The following PPARGC1A variants were observed in gnomAD, a reference collection of about 807,000 sequenced individuals.
PPARGC1A encodes the protein PPARG coactivator 1 alpha.
A neutral mutation model predicts 88.7 loss-of-function variants in PPARGC1A; 25 were observed. That is an observed-to-expected ratio of 0.28 (90% confidence interval 0.21 to 0.39). The LOEUF is 0.39. PPARGC1A is among the 10% of genes least tolerant of loss of function. The pLI, the probability that PPARGC1A is intolerant of heterozygous loss-of-function variation, is 1.00. For missense variants in PPARGC1A, 880 were observed against 968.7 expected (o/e 0.91, Z 1.22); for synonymous variants, 363 against 355.6 (o/e 1.02, Z -0.24).
At chr4:24,099,271 C>T in the PPARGC1A span, among the ~76,000 whole-genome samples, 1 of 134,002 alleles carries the variant, frequency 7.5e-6, no homozygotes, top group Non-Finnish European at 1.6e-5. Context: ...TTCTTCCCCT[C>T]ATTCTCTCCC....
chr4:24,008,215 T>C, the PPARGC1A span, among the ~76,000 whole-genome samples: 2 of 152,200 alleles, frequency 1.3e-5, no homozygotes, highest in African/African-American at 4.8e-5. Flanking sequence ...AGTCAACCTA[T>C]TGTACCCCTG....
At chr4:24,206,838 C>A in the PPARGC1A span, among the ~76,000 whole-genome samples, 1 of 62,746 alleles carries the variant, frequency 1.6e-5, no homozygotes, top group Non-Finnish European at 2.6e-5. Context: ...AAGACTTCAC[C>A]TTAAAAAAAA....
chr4:24,211,669 T>C, the PPARGC1A span, among the ~76,000 whole-genome samples: 2 of 152,154 alleles, frequency 1.3e-5, no homozygotes, highest in South Asian at 4.1e-4. Context: ...CTCAGCCACT[T>C]ATAAACGTAG....
At chr4:24,327,730 G>T in the PPARGC1A span, among the ~76,000 whole-genome samples, 355 of 151,976 alleles carry the variant, frequency 2.3e-3, 1 homozygote, top group African/African-American at 7.7e-3. Flanking sequence ...ACATCACCCA[G>T]TCTCTCTCCA....
the PPARGC1A span, among the ~76,000 whole-genome samples, chr4:24,042,963 C>G: frequency 6.6e-6 from 1 of 152,112 alleles, no homozygotes; most frequent in Non-Finnish European, 1.5e-5. Flanking sequence ...TTTGGTGACT[C>G]TCATTAACAG....
the PPARGC1A span, among the ~76,000 whole-genome samples, chr4:23,982,765 T>A: frequency 6.6e-6 from 1 of 152,166 alleles, no homozygotes; most frequent in African/African-American, 2.4e-5. Context: ...ATTAAAACAC[T>A]CACATGGAGA....
At chr4:24,472,063 A>G in the PPARGC1A span, among the ~76,000 whole-genome samples, 1 of 151,372 alleles carries the variant, frequency 6.6e-6, no homozygotes, top group African/African-American at 2.4e-5. The surrounding 1 kb of genome is among the most constrained non-coding windows in gnomAD (Gnocchi z 4.5). Flanking sequence ...TTCTGCCTGG[A>G]GTTGTTCGGG....
At chr4:24,335,561 T>C in the PPARGC1A span, among the ~76,000 whole-genome samples, 1 of 152,146 alleles carries the variant, frequency 6.6e-6, no homozygotes, top group Non-Finnish European at 1.5e-5. Flanking sequence ...TGGTTCATAG[T>C]AGAAAAAAGT....
At chr4:23,974,799 A>ATTTTTTTTTTTTTTTTTTTTTT in the PPARGC1A span, among the ~76,000 whole-genome samples, 69 of 61,118 alleles carry the variant, frequency 1.1e-3, 3 homozygotes, top group Middle Eastern at 0.018. Context: ...GGCCCGGCTA[A>ATTTTTTTTTTTTTTTTTTTTTT]TTTTTTTTTT....
chr4:24,288,637 G>A, the PPARGC1A span, among the ~76,000 whole-genome samples: 1 of 152,216 alleles, frequency 6.6e-6, no homozygotes, highest in East Asian at 1.9e-4. Flanking sequence ...TTGACAGGAA[G>A]AGGATGCGAA....
At chr4:24,396,694 A>C in the PPARGC1A span, among the ~76,000 whole-genome samples, 1 of 152,132 alleles carries the variant, frequency 6.6e-6, no homozygotes, top group Non-Finnish European at 1.5e-5. Context: ...TAGGGGGCAA[A>C]GAGCACCGCA....
the PPARGC1A span, among the ~76,000 whole-genome samples, chr4:23,985,939 A>G: frequency 3.3e-5 from 5 of 152,014 alleles, no homozygotes; most frequent in Non-Finnish European, 7.4e-5. Flanking sequence ...CTCTAGCCTT[A>G]GTTCTGAGAC....
At chr4:24,316,144 G>T in the PPARGC1A span, among the ~76,000 whole-genome samples, 1 of 152,140 alleles carries the variant, frequency 6.6e-6, no homozygotes, top group East Asian at 1.9e-4. Flanking sequence ...CATCTATGTT[G>T]GTCTATCTGA....
the PPARGC1A span, among the ~76,000 whole-genome samples, chr4:24,167,949 G>T: frequency 4.6e-5 from 7 of 151,994 alleles, no homozygotes; most frequent in South Asian, 1.5e-3. Context: ...AGAGATAGGG[G>T]TCTCACCATG....
At chr4:24,107,254 G>A in the PPARGC1A span, among the ~76,000 whole-genome samples, 5 of 152,148 alleles carry the variant, frequency 3.3e-5, no homozygotes, top group Non-Finnish European at 5.9e-5. Context: ...AAGTTTTCTA[G>A]ACTTCAAATT....
chr4:24,276,445 G>T, the PPARGC1A span, among the ~76,000 whole-genome samples: 5 of 152,226 alleles, frequency 3.3e-5, no homozygotes, highest in African/African-American at 1.2e-4. Flanking sequence ...AGACATCGAG[G>T]TCCTTGAGTC....
At chr4:24,430,416 C>G in the PPARGC1A span, among the ~76,000 whole-genome samples, 1 of 151,846 alleles carries the variant, frequency 6.6e-6, no homozygotes, top group African/African-American at 2.4e-5. Context: ...CGCCACCACG[C>G]CCGGCTAATT....
the PPARGC1A span, among the ~76,000 whole-genome samples, chr4:23,974,672 G>A: frequency 1.3e-5 from 2 of 151,292 alleles, no homozygotes; most frequent in African/African-American, 4.9e-5. Flanking sequence ...TTGCTCTGTC[G>A]CCCAGGCTGG....
chr4:24,076,536 G>A, the PPARGC1A span, among the ~76,000 whole-genome samples: 2 of 152,180 alleles, frequency 1.3e-5, no homozygotes, highest in Non-Finnish European at 2.9e-5. Context: ...GATGTGGGAA[G>A]AACTAGAGAA....
Sources: gnomAD v4.1 joint callset for allele counts (sites outside exome capture counted in the v4.1 genomes callset) on GRCh38, gnomAD v4.1.1 for gene constraint, Gnocchi (gnomAD v3.1) non-coding constraint, MANE v1.5 for transcripts, NCBI Gene and HGNC (gene_info 2026-07-23, HGNC 2026-07-21) for gene names.